Variants in PALLD observed in about 807,000 individuals in gnomAD.
PALLD encodes the protein palladin.
Under a neutral mutation model 123.5 loss-of-function variants are expected in PALLD, and 61 were observed. The observed-to-expected ratio is 0.49, with a 90% CI of 0.40 to 0.61. The LOEUF (loss-of-function observed/expected upper bound fraction) is 0.61. Ranked by LOEUF, PALLD falls within the 20% of genes least tolerant of loss-of-function variation. The probability of loss-of-function intolerance (pLI) is 0.00; values close to 1 mark genes in which losing one functional copy is unlikely to be tolerated. For missense variants in PALLD, 1,273 were observed against 1,377.0 expected, an observed-to-expected ratio of 0.92 and a Z score of 1.20; for synonymous variants, 465 against 496.4, an observed-to-expected ratio of 0.94 and a Z score of 0.84.
chr4:168,508,805 C>T (rs1264203531), intron 1 of PALLD, among the ~76,000 whole-genome samples: 1 of 152,038 alleles, frequency 6.6e-6, no homozygotes, highest in Non-Finnish European at 1.5e-5. Context: ...ACCTTCATGT[C>T]TCTTCTGGAT....
intron 10 of PALLD, among the ~76,000 whole-genome samples, chr4:168,737,204 C>G (rs1300386152): frequency 6.6e-6 from 1 of 152,174 alleles, no homozygotes; most frequent in Non-Finnish European, 1.5e-5. Context: ...ATCAAGTCTT[C>G]AAAAGAATGG....
At chr4:168,607,480 T>C (rs1414961932) in intron 2 of PALLD, among the ~76,000 whole-genome samples, 2 of 152,232 alleles carry the variant, frequency 1.3e-5, no homozygotes, top group Non-Finnish European at 2.9e-5. Context: ...AATAATCAAC[T>C]ACAGCGGACC....
intron 10 of PALLD, among the ~76,000 whole-genome samples, chr4:168,878,825 AG>A (rs1752217651): frequency 6.6e-6 from 1 of 152,166 alleles, no homozygotes; most frequent in Non-Finnish European, 1.5e-5. Flanking sequence ...TAAATTGCCC[AG>A]GGTCACATAG....
rs773761042 is a variant in PALLD at position 168,898,477 on chromosome 4, A to T, written c.2251-16A>T. On this transcript the variant is annotated splice_polypyrimidine_tract_variant and intron_variant, in intron 13 of 21. Coordinates refer to ENST00000505667, the MANE Select transcript of PALLD (RefSeq NM_001166108.2). ...GAAGGGATTGAGTCTGCTAACTTAA[A>T]CTTTCCTTGATTCAGGAATACAAAG... is the stretch of plus-strand genomic sequence containing the variant. 2 of 1,569,220 alleles carry T rather than the reference A, an allele frequency of 1.3e-6. No homozygotes were observed. The highest frequency in any genetic ancestry group is 2.7e-5 in the African/African-American group (2 of 74,134).
At chr4:168,889,161 TGTGTGG>T in intron 10 of PALLD, among the ~76,000 whole-genome samples, 3 of 144,084 alleles carry the variant, frequency 2.1e-5, no homozygotes, top group Non-Finnish European at 4.5e-5. Flanking sequence ...TGTGTGTGTG[TGTGTGG>T]TTTTTTTTTT....
At chr4:168,506,330 CCTTT>C (rs938903776) in intron 1 of PALLD, among the ~76,000 whole-genome samples, 9 of 152,068 alleles carry the variant, frequency 5.9e-5, no homozygotes, top group African/African-American at 2.2e-4. Context: ...TGGGAACTCT[CCTTT>C]CTTTCTATTA....
intron 10 of PALLD, among the ~76,000 whole-genome samples, chr4:168,743,254 T>C (rs1050396150): frequency 2.6e-5 from 4 of 152,190 alleles, no homozygotes; most frequent in Non-Finnish European, 5.9e-5. Context: ...ATTGAATTCA[T>C]TGTCACACTG....
chr4:168,817,453 A>G (rs1185854799), intron 10 of PALLD, among the ~76,000 whole-genome samples: 1 of 152,224 alleles, frequency 6.6e-6, no homozygotes, highest in Non-Finnish European at 1.5e-5. Context: ...TTAAATGTCC[A>G]TTAGATACAG....
intron 1 of PALLD, chr4:168,504,833 T>C (rs949849655): frequency 6.6e-6 from 1 of 152,230 alleles, no homozygotes; most frequent in Non-Finnish European, 1.5e-5. Context: ...TGCTACTTAC[T>C]AAAGTAGAAC....
At chr4:168,751,479 A>G (rs6831359) in intron 10 of PALLD, among the ~76,000 whole-genome samples, 13,689 of 152,292 alleles carry the variant, frequency 0.09, 613 homozygotes, top group South Asian at 0.13. Context: ...TTGCAATCAG[A>G]TAGCCCTGAG....
At chr4:168,542,658 GCT>G (rs145473462) in intron 2 of PALLD, among the ~76,000 whole-genome samples, 5,928 of 72,732 alleles carry the variant, frequency 0.082, 294 homozygotes, top group African/African-American at 0.23. Context: ...TTTATGTAAA[GCT>G]CTCTCTCTCT....
intron 2 of PALLD, among the ~76,000 whole-genome samples, chr4:168,656,122 C>A (rs1261809336): frequency 6.6e-6 from 1 of 152,154 alleles, no homozygotes; most frequent in Admixed American, 6.5e-5. Context: ...ATCCAAGTTA[C>A]AACAATAGCT....
intron 2 of PALLD, among the ~76,000 whole-genome samples, chr4:168,527,737 C>T (rs1297011246): frequency 6.6e-6 from 1 of 152,152 alleles, no homozygotes; most frequent in Non-Finnish European, 1.5e-5. Flanking sequence ...TCTTCTCCAC[C>T]CCACTGTCTT....
chr4:168,905,790 C>CTTTTTTTTTTTTTT lies in PALLD; in HGVS notation c.2622+1891_2622+1904dup, dbSNP rs59427697. Reference sequence around the variant, plus strand: ...ACAAAAGCGGAACTTGCTTTTTTTTCTTTTTTTTTTTTTTTTTTTTCTTTT... The same window carrying CTTTTTTTTTTTTTT: ...ACAAAAGCGGAACTTGCTTTTTTTTCTTTTTTTTTTTTTTTTTTTTTTTTTTTTTTTTTTCTTTT... On this transcript the variant is annotated intron_variant, in intron 15 of 21. Coordinates refer to ENST00000505667, the MANE Select transcript of PALLD (RefSeq NM_001166108.2). Among the ~76,000 whole-genome samples the CTTTTTTTTTTTTTT allele has an allele frequency of 8.5e-3, 965 of 113,150 alleles. 6 individuals carry two copies. Among genetic ancestry groups the CTTTTTTTTTTTTTT allele is most frequent in the Non-Finnish European group, 0.011 (656 of 57,736 alleles). The allele number at this position is 113,150 out of a possible 152,430, so 74.2% of individuals were successfully genotyped here. A position where few individuals can be genotyped will look rare whatever the true frequency, so the allele number is the denominator to read the frequency against.
chr4:168,709,196 T>C, intron 9 of PALLD, 49 bp downstream of exon 9: 1 of 1,603,740 alleles, frequency 6.2e-7, no homozygotes, highest in Non-Finnish European at 8.5e-7. Flanking sequence ...CCAGCACCAG[T>C]GTGGATGGCC....
At chr4:168,919,630 C>CCAAA (rs1761021596) in intron 17 of PALLD, among the ~76,000 whole-genome samples, 1 of 152,174 alleles carries the variant, frequency 6.6e-6, no homozygotes, top group Admixed American at 6.5e-5. Context: ...TGACGATAAG[C>CCAAA]CAAACACTAA....
intron 2 of PALLD, among the ~76,000 whole-genome samples, chr4:168,514,033 G>T (rs1169244069): frequency 6.6e-6 from 1 of 152,058 alleles, no homozygotes; most frequent in Non-Finnish European, 1.5e-5. Flanking sequence ...TTGAACCTGG[G>T]AGGCAGAGGT....
chr4:168,771,913 G>A (rs1242245961), intron 10 of PALLD, among the ~76,000 whole-genome samples: 1 of 152,178 alleles, frequency 6.6e-6, no homozygotes, highest in Non-Finnish European at 1.5e-5. Context: ...CCCAGAAAGA[G>A]TATTTAGGAG....
intron 10 of PALLD, among the ~76,000 whole-genome samples, chr4:168,794,502 ACACG>A (rs1554083985): frequency 0.011 from 1,471 of 136,058 alleles, 15 homozygotes; most frequent in East Asian, 0.041. Flanking sequence ...ACGCACACAC[ACACG>A]CACACACACA....
Sources: gnomAD v4.1 joint callset for allele counts (sites outside exome capture counted in the v4.1 genomes callset) on GRCh38, gnomAD v4.1.1 for gene constraint, MANE v1.5 for transcripts, NCBI Gene and HGNC (gene_info 2026-07-23, HGNC 2026-07-21) for gene names.